Variants in GRM8 observed in about 807,000 individuals in gnomAD.
GRM8 encodes glutamate metabotropic receptor 8, also known as metabotropic glutamate receptor 8.
A neutral mutation model predicts 87.2 loss-of-function variants in GRM8; 47 were observed. The observed-to-expected ratio is 0.54, with a 90% CI of 0.43 to 0.69. GRM8 has a LOEUF of 0.69. Among genes scored for constraint, GRM8 ranks in the 30% least tolerant of loss-of-function variants. The pLI is 0.00. For synonymous variants in GRM8, 396 were observed against 404.5 expected (o/e 0.98, Z 0.25); for missense variants, 1,019 against 1,139.2 (o/e 0.89, Z 1.52).
chr7:126,797,691 G>A (rs11978035), intron 6 of GRM8, among the ~76,000 whole-genome samples: 3,373 of 152,092 alleles, frequency 0.022, 135 homozygotes, highest in African/African-American at 0.077. Flanking sequence ...AAAAACTTTA[G>A]GGGGAGAGTG....
intron 3 of GRM8, among the ~76,000 whole-genome samples, chr7:127,086,443 C>T (rs142407094): frequency 2.0e-5 from 3 of 152,194 alleles, no homozygotes; most frequent in African/African-American, 7.2e-5. Context: ...ATCCAAATTC[C>T]GAAGCAATCT....
At chr7:126,667,293 T>A (rs1170587096) in intron 7 of GRM8, among the ~76,000 whole-genome samples, 1 of 152,188 alleles carries the variant, frequency 6.6e-6, no homozygotes, top group Non-Finnish European at 1.5e-5. Flanking sequence ...TGTCTTCAAG[T>A]TGAAACATTG....
At chr7:126,978,352 C>T (rs1811213198) in intron 3 of GRM8, among the ~76,000 whole-genome samples, 2 of 152,142 alleles carry the variant, frequency 1.3e-5, no homozygotes, top group South Asian at 4.1e-4. Flanking sequence ...CACATTCAAG[C>T]ATGACCTGAG....
At chr7:126,684,171 A>G (rs1807916539) in intron 7 of GRM8, among the ~76,000 whole-genome samples, 1 of 152,174 alleles carries the variant, frequency 6.6e-6, no homozygotes, top group Admixed American at 6.5e-5. Context: ...CGATCACTGT[A>G]TATGGAGTGG....
intron 3 of GRM8, among the ~76,000 whole-genome samples, chr7:126,908,336 G>A (rs1325661200): frequency 7.9e-5 from 12 of 152,168 alleles, no homozygotes; most frequent in Non-Finnish European, 1.8e-4. Context: ...AAGTCTAGAG[G>A]TAAGTTGAAG....
At chr7:126,715,913 T>G (rs1811688199) in intron 7 of GRM8, among the ~76,000 whole-genome samples, 2 of 152,246 alleles carry the variant, frequency 1.3e-5, no homozygotes, top group African/African-American at 4.8e-5. Flanking sequence ...GATTTTATTT[T>G]TTCTGACCAC....
At chr7:126,962,617 A>G (rs17862248) in intron 3 of GRM8, among the ~76,000 whole-genome samples, 20 of 152,348 alleles carry the variant, frequency 1.3e-4, no homozygotes, top group Non-Finnish European at 2.8e-4. Flanking sequence ...ATTTATAGAT[A>G]CTGTGCCTTT....
At chr7:126,776,596 A>G (rs1819502709) in intron 6 of GRM8, among the ~76,000 whole-genome samples, 1 of 152,238 alleles carries the variant, frequency 6.6e-6, no homozygotes, top group South Asian at 2.1e-4. Context: ...TCACATACCA[A>G]TAACGTGGTT....
At chr7:127,039,614 T>TGAGAAGGGGAAGGGGAAG (rs1586824077) in intron 3 of GRM8, among the ~76,000 whole-genome samples, 1 of 90,888 alleles carries the variant, frequency 1.1e-5, no homozygotes, top group Non-Finnish European at 2.0e-5. Context: ...TGCTCTTGAG[T>TGAGAAGGGGAAGGGGAAG]GAGAAGGGGA....
chr7:126,638,853 T>C (rs564634036), intron 7 of GRM8, among the ~76,000 whole-genome samples: 2 of 152,328 alleles, frequency 1.3e-5, no homozygotes, highest in South Asian at 4.1e-4. Context: ...GTAATTTCTG[T>C]AAGTTGTCCC....
At chr7:126,452,215 A>G (rs1485905143) in intron 9 of GRM8, among the ~76,000 whole-genome samples, 1 of 147,050 alleles carries the variant, frequency 6.8e-6, no homozygotes, top group Middle Eastern at 3.2e-3. Context: ...GTTCTCACTC[A>G]TAGGTGGGAA....
At chr7:126,757,132 T>C (rs892080889) in intron 7 of GRM8, among the ~76,000 whole-genome samples, 1 of 152,140 alleles carries the variant, frequency 6.6e-6, no homozygotes, top group Non-Finnish European at 1.5e-5. Context: ...TAGAGACAGA[T>C]AATGGTAGAA....
intron 3 of GRM8, among the ~76,000 whole-genome samples, chr7:127,011,477 A>C (rs1342735271): frequency 1.3e-5 from 2 of 152,180 alleles, no homozygotes; most frequent in Non-Finnish European, 1.5e-5. Context: ...ATCATGATAT[A>C]TAATGTTTAT....
At chr7:126,621,666 AC>A (rs1800188713) in intron 7 of GRM8, among the ~76,000 whole-genome samples, 1 of 151,264 alleles carries the variant, frequency 6.6e-6, no homozygotes, top group Non-Finnish European at 1.5e-5. Flanking sequence ...TGATCCACCC[AC>A]CTCTGCCTCC....
chr7:126,790,586 CT>C (rs1012812089), intron 6 of GRM8, among the ~76,000 whole-genome samples: 4 of 152,118 alleles, frequency 2.6e-5, no homozygotes, highest in South Asian at 2.1e-4. Flanking sequence ...TAAAAGTTTA[CT>C]TTTTTTCATT....
chr7:126,654,630 A>G (rs755568466), intron 7 of GRM8, among the ~76,000 whole-genome samples: 3 of 152,252 alleles, frequency 2.0e-5, no homozygotes, highest in Non-Finnish European at 4.4e-5. Context: ...GCTTATCAGC[A>G]TGAAACACAA....
intron 8 of GRM8, among the ~76,000 whole-genome samples, chr7:126,562,704 G>A (rs138756854): frequency 6.6e-6 from 1 of 152,260 alleles, no homozygotes; most frequent in Non-Finnish European, 1.5e-5. Context: ...AGACCAGCCT[G>A]ACCAACATGG....
At chr7:126,806,064 G>A (rs529197446) in intron 6 of GRM8, among the ~76,000 whole-genome samples, 36 of 152,234 alleles carry the variant, frequency 2.4e-4, no homozygotes, top group African/African-American at 7.2e-4. Flanking sequence ...GTGGGTTCTT[G>A]GTCTTGCTGA....
intron 7 of GRM8, among the ~76,000 whole-genome samples, chr7:126,621,755 T>A (rs74406654): frequency 0.023 from 3,537 of 152,066 alleles, 124 homozygotes; most frequent in African/African-American, 0.081. Context: ...CATTCACGCA[T>A]CTTGACACAT....
Sources: gnomAD v4.1 joint callset for allele counts (sites outside exome capture counted in the v4.1 genomes callset) on GRCh38, gnomAD v4.1.1 for gene constraint, MANE v1.5 for transcripts, NCBI Gene and HGNC (gene_info 2026-07-23, HGNC 2026-07-21) for gene names.